The following IQSEC1 variants were observed in gnomAD, a reference collection of about 807,000 sequenced individuals.
IQSEC1 encodes the protein IQ motif and Sec7 domain ArfGEF 1.
Under a neutral mutation model 91.0 loss-of-function variants are expected in IQSEC1, and 31 were observed. The observed-to-expected ratio is 0.34, with a 90% CI of 0.26 to 0.46. The LOEUF is 0.46. Among genes scored for constraint, IQSEC1 ranks in the 20% least tolerant of loss-of-function variants. The probability of loss-of-function intolerance (pLI) is 1.00; values close to 1 mark genes in which losing one functional copy is unlikely to be tolerated. For synonymous variants in IQSEC1, 699 were observed against 662.6 expected, an observed-to-expected ratio of 1.05 and a Z score of -0.84; for missense variants, 1,388 against 1,575.6, an observed-to-expected ratio of 0.88 and a Z score of 2.02.
rs1392683122 is a variant in IQSEC1 at position 13,277,053 on chromosome 3, T to C, written c.272+5658A>G. Among the ~76,000 whole-genome samples the C allele has an allele frequency of 3.8e-5, 5 of 130,100 alleles. No individual in the cohort carries two copies. In the Admixed American group the frequency reaches 4.6e-4, roughly 12 times the overall value. The allele number at this position is 130,100 out of a possible 152,430, so 85.4% of individuals were successfully genotyped here. On this transcript the variant is annotated intron_variant, in intron 1 of 15. Transcript: ENST00000648114. ...TGTGGCAATTATACGGCTGACACCC[T>C]GACAAGCTCAGAATGGTGCACTTCC...
In IQSEC1 at chr3:12,913,528, A is replaced by C. The variant is rs1186386031; in HGVS notation, c.2216T>G (p.Leu739Trp). The part of the protein sequence containing the change: ...GCVLSLPHRR[L>W]VCYCRLFEVP... ...CTCAAAGAGCCGGCAGTAGCAGACC[A>C]ACCGACGGTGGGGCAGAGAGAGCAC... Residue 739 changes from leucine (L) to tryptophan (W), a missense_variant, in exon 9 of 14, where the codon TTG (leucine) becomes TGG (tryptophan). Physicochemically the swap from Leu to Trp is moderately conservative, Grantham distance 61. Transcript: ENST00000613206. The C allele has an allele frequency of 6.2e-7, 1 of 1,606,366 alleles. No individual in the cohort carries two copies. The highest frequency in any genetic ancestry group is 8.5e-7 in the Non-Finnish European group (1 of 1,175,100).
chr3:13,269,707 C>T (rs1046413774), intron 1 of IQSEC1, among the ~76,000 whole-genome samples: 29 of 152,196 alleles, frequency 1.9e-4, no homozygotes, highest in African/African-American at 5.1e-4. Flanking sequence ...GAGAGGGGAG[C>T]GAGGCCCACC....
intron 1 of IQSEC1, among the ~76,000 whole-genome samples, chr3:13,020,037 C>T (rs929432738): frequency 5.9e-5 from 9 of 152,202 alleles, no homozygotes; most frequent in Non-Finnish European, 1.2e-4. Flanking sequence ...CAGGGCACAG[C>T]GGGCCTCCCA....
chr3:13,175,614 C>G (rs1309306262), intron 1 of IQSEC1, among the ~76,000 whole-genome samples: 1 of 152,234 alleles, frequency 6.6e-6, no homozygotes, highest in Non-Finnish European at 1.5e-5. Context: ...TGCTTCTTGT[C>G]TCAATCCATC....
At chr3:13,271,607 G>A (rs1429216203) in intron 1 of IQSEC1, among the ~76,000 whole-genome samples, 2 of 151,928 alleles carry the variant, frequency 1.3e-5, no homozygotes, top group African/African-American at 4.8e-5. Context: ...ACCAGCCTGG[G>A]CAACAAAGCA....
intron 2 of IQSEC1, among the ~76,000 whole-genome samples, chr3:13,158,626 C>T (rs888125416): frequency 1.3e-5 from 2 of 152,162 alleles, no homozygotes; most frequent in African/African-American, 4.8e-5. Flanking sequence ...TGCCAGTCAA[C>T]GTTCAGAGTC....
upstream of IQSEC1, among the ~76,000 whole-genome samples, chr3:13,076,846 C>G (rs1181925920): frequency 6.6e-6 from 1 of 152,112 alleles, no homozygotes; most frequent in Non-Finnish European, 1.5e-5. Context: ...CCCCCTTTAC[C>G]TCCCACCCTC....
At chr3:13,070,120 G>A (rs570101438) in intron 1 of IQSEC1, among the ~76,000 whole-genome samples, 62 of 152,334 alleles carry the variant, frequency 4.1e-4, no homozygotes, top group South Asian at 1.9e-3. Context: ...CCCGCCGGCA[G>A]GGCTCCACTA....
intron 1 of IQSEC1, among the ~76,000 whole-genome samples, chr3:13,164,738 C>T (rs1693450977): frequency 6.6e-6 from 1 of 152,334 alleles, no homozygotes; most frequent in East Asian, 1.9e-4. Context: ...GACAGTGATG[C>T]CTTCCTGCTC....
intron 2 of IQSEC1, among the ~76,000 whole-genome samples, chr3:13,146,520 A>C (rs1404514603): frequency 1.3e-5 from 2 of 152,328 alleles, no homozygotes; most frequent in East Asian, 1.9e-4. Flanking sequence ...GCTGCAGCCA[A>C]GGGCTGAGCC....
chr3:13,276,080 C>CTTTTTTTTTTTTTTTTTTTTT (rs796663192), intron 1 of IQSEC1, among the ~76,000 whole-genome samples: 2 of 79,524 alleles, frequency 2.5e-5, no homozygotes, highest in African/African-American at 8.3e-5. Context: ...CAAAAGCATT[C>CTTTTTTTTTTTTTTTTTTTTT]TTTTTTTTTT....
intron 1 of IQSEC1, among the ~76,000 whole-genome samples, chr3:13,009,515 T>A (rs1464146594): frequency 6.6e-6 from 1 of 151,964 alleles, no homozygotes. Context: ...GACCACTTCC[T>A]GGGGTAACTC....
chr3:13,265,916 C>CAAA (rs34132019), intron 1 of IQSEC1, among the ~76,000 whole-genome samples: 23 of 110,792 alleles, frequency 2.1e-4, no homozygotes, highest in South Asian at 3.3e-4. Flanking sequence ...TGCTTTATTG[C>CAAA]AAAAAAAAAA....
In IQSEC1 at chr3:12,979,983, T is replaced by C. The variant is rs962235238; in HGVS notation, c.24-38118A>G. ...GGAAGGCAGCCTGGTGCCAGGGGCA[T>C]GCAGCTGGAGGCCTCCACGTCCTGT... On this transcript the variant is annotated intron_variant, in intron 1 of 13. Transcript: ENST00000613206. The surrounding 1 kb of genome is among the most constrained non-coding windows in gnomAD (Gnocchi z 4.3). 2.0e-5 allele frequency among the ~76,000 whole-genome samples: 3 copies of C among 152,212 alleles called. No individual in the cohort carries two copies. Among genetic ancestry groups the C allele is most frequent in the African/African-American group, 4.8e-5 (2 of 41,456 alleles).
At chr3:13,053,323 G>A (rs1166398991) in intron 1 of IQSEC1, among the ~76,000 whole-genome samples, 1 of 152,204 alleles carries the variant, frequency 6.6e-6, no homozygotes, top group African/African-American at 2.4e-5. Flanking sequence ...TGCAGAACCA[G>A]TGAATCCCCT....
intron 1 of IQSEC1, among the ~76,000 whole-genome samples, chr3:13,027,039 C>T (rs1703647198): frequency 6.6e-6 from 1 of 152,130 alleles, no homozygotes. Context: ...TGCAGTCTTC[C>T]AATGGTGCCC....
At chr3:13,180,106 ATGG>A (rs35265738) in intron 1 of IQSEC1, among the ~76,000 whole-genome samples, 83,390 of 151,876 alleles carry the variant, frequency 0.55, 23,207 homozygotes, top group Non-Finnish European at 0.59. Flanking sequence ...GTGCAGGTGC[ATGG>A]TGCGGGACTG....
At chr3:13,039,836 G>A (rs956164633) in intron 1 of IQSEC1, among the ~76,000 whole-genome samples, 2 of 152,240 alleles carry the variant, frequency 1.3e-5, no homozygotes, top group Non-Finnish European at 2.9e-5. Context: ...ATTTGCCAGG[G>A]TGGACAGACC....
intron 12 of IQSEC1, among the ~76,000 whole-genome samples, chr3:12,905,929 C>A (rs1038041853): frequency 6.6e-6 from 1 of 152,218 alleles, no homozygotes; most frequent in Admixed American, 6.5e-5. Context: ...ACTCTTGTGC[C>A]GCTGGAATGA....
Sources: gnomAD v4.1 joint callset for allele counts (sites outside exome capture counted in the v4.1 genomes callset) on GRCh38, gnomAD v4.1.1 for gene constraint, Gnocchi (gnomAD v3.1) non-coding constraint, MANE v1.5 for transcripts, NCBI Gene and HGNC (gene_info 2026-07-23, HGNC 2026-07-21) for gene names.